The following NIPBL variants were observed in gnomAD, a reference collection of about 807,000 sequenced individuals.
The protein encoded by NIPBL is nipped-B-like protein.
NIPBL carries 19 observed loss-of-function variants against 321.8 expected under a neutral mutation model. The ratio of observed to expected loss-of-function variants is 0.06; its 90% CI spans 0.04 to 0.09. The LOEUF is 0.09. NIPBL is among the 10% of genes least tolerant of loss of function. The pLI is 1.00. For missense variants in NIPBL, 2,210 were observed against 3,327.0 expected (o/e 0.66, Z 8.26); for synonymous variants, 1,106 against 1,114.1 (o/e 0.99, Z 0.14).
intron 6 of NIPBL, among the ~76,000 whole-genome samples, chr5:36,968,370 C>T: frequency 6.6e-6 from 1 of 152,014 alleles, no homozygotes. Flanking sequence ...CAGATTGAGA[C>T]CATCCTCGCT....
chr5:36,886,111 C>A, intron 1 of NIPBL: 1 of 669,924 alleles, frequency 1.5e-6, no homozygotes, highest in South Asian at 1.5e-5. Flanking sequence ...GACATACGGT[C>A]CAGTCCTTGG....
At chr5:36,968,669 T>C (rs1561091509) in intron 6 of NIPBL, among the ~76,000 whole-genome samples, 1 of 152,156 alleles carries the variant, frequency 6.6e-6, no homozygotes, top group Non-Finnish European at 1.5e-5. Context: ...AAGTCTAGCC[T>C]GTGCAATACA....
chr5:36,987,226 T>G (rs1744925595), intron 10 of NIPBL, among the ~76,000 whole-genome samples: 2 of 152,160 alleles, frequency 1.3e-5, no homozygotes, highest in African/African-American at 4.8e-5. Context: ...ACTGAGAGTT[T>G]ATTTAAGTTT....
chr5:36,918,603 A>G (rs1283098856), intron 1 of NIPBL, among the ~76,000 whole-genome samples: 1 of 152,132 alleles, frequency 6.6e-6, no homozygotes, highest in Non-Finnish European at 1.5e-5. Flanking sequence ...GTCTTGTGCC[A>G]GTTTTCAAAA....
chr5:37,002,289 C>T (rs1269588609), intron 14 of NIPBL, among the ~76,000 whole-genome samples: 1 of 152,156 alleles, frequency 6.6e-6, no homozygotes, highest in Non-Finnish European at 1.5e-5. Flanking sequence ...TTTGACCTTA[C>T]ACTCCTCTTT....
At chr5:36,971,718 T>C in intron 7 of NIPBL, 2 of 681,770 alleles carry the variant, frequency 2.9e-6, no homozygotes, top group Non-Finnish European at 3.6e-6. Context: ...ATACTAGTAA[T>C]ACAAATTTTC....
At chr5:36,993,623 T>C (rs1745794534) in intron 10 of NIPBL, among the ~76,000 whole-genome samples, 1 of 152,062 alleles carries the variant, frequency 6.6e-6, no homozygotes, top group African/African-American at 2.4e-5. Context: ...AGTGTGTCTG[T>C]GATGTGAACT....
At chr5:37,013,138 C>T (rs1448098412) in intron 21 of NIPBL, among the ~76,000 whole-genome samples, 1 of 149,478 alleles carries the variant, frequency 6.7e-6, no homozygotes, top group South Asian at 2.1e-4. Context: ...CGCCCCTCAC[C>T]TCCCGGACGG....
chr5:36,890,896 A>G (rs1746277990), intron 1 of NIPBL, among the ~76,000 whole-genome samples: 1 of 152,228 alleles, frequency 6.6e-6, no homozygotes, highest in African/African-American at 2.4e-5. Flanking sequence ...TCTCATATTC[A>G]TTCTCTTGTA....
chr5:36,981,525 C>T lies in NIPBL; in HGVS notation c.1496-3151C>T, dbSNP rs971618781. 4.6e-5 allele frequency among the ~76,000 whole-genome samples: 7 copies of T among 151,704 alleles called. No homozygotes were observed. In the South Asian group the frequency reaches 1.2e-3, roughly 27 times the overall value. The stretch of plus-strand genomic sequence containing the variant: ...TGTAACCTAATATTTTATAATATTC[C>T]AAAAGGACCCTTTTCTCAATCTTTT... On this transcript the variant is annotated intron_variant, in intron 9 of 46. Transcript: ENST00000282516.
intron 1 of NIPBL, among the ~76,000 whole-genome samples, chr5:36,903,653 A>C (rs2149537019): frequency 6.6e-6 from 1 of 152,280 alleles, no homozygotes; most frequent in East Asian, 1.9e-4. Flanking sequence ...AGCTAAAAAT[A>C]GACTTGTAGA....
At chr5:36,911,468 G>A (rs952027554) in intron 1 of NIPBL, among the ~76,000 whole-genome samples, 1 of 151,926 alleles carries the variant, frequency 6.6e-6, no homozygotes, top group African/African-American at 2.4e-5. Context: ...TTTCCTTCTG[G>A]CCTTTCCTAT....
chr5:36,975,822 A>G lies in NIPBL; in HGVS notation c.915A>G (p.Ser305=), dbSNP rs555224277. ...LILQSQSLPC[S]SPRDVPPDIL... is the part of the protein sequence containing the mutation. ...TACAATCTCAGTCTCTACCTTGTTC[A>G]TCACCTCGAGATGTTCCACCAGATA... The change falls in exon 9 of 47, where the codon TCA becomes TCG. Residue 305 remains serine, a synonymous_variant. Coordinates refer to ENST00000282516, the MANE Select transcript of NIPBL (RefSeq NM_133433.4). The G allele has an allele frequency of 2.2e-5, 36 of 1,613,464 alleles. No individual in the cohort carries two copies. Among genetic ancestry groups the G allele is most frequent in the Admixed American group, 6.7e-5 (4 of 59,918 alleles).
In NIPBL at chr5:37,036,480, T is replaced by G; in HGVS notation, c.5964T>G (p.Ser1988=). 7.4e-7 allele frequency: 1 copy of G among 1,359,644 alleles called. No individual in the cohort carries two copies. The highest frequency in any genetic ancestry group is 1.5e-5 in the South Asian group (1 of 67,198). The allele number at this position is 1,359,644 out of a possible 1,614,324, so 84.2% of individuals were successfully genotyped here. A position where few individuals can be genotyped will look rare whatever the true frequency, so the allele number is the denominator to read the frequency against. ...AGCACATTCTTAAATATGAGGAATC[T>G]CTAGCTGGTAAGACATTTTATATAT... ...LVEHILKYEE[S]LADSDNKGVN... Residue 1988 remains serine (S), a synonymous_variant, in exon 33 of 47, where the codon TCT becomes TCG. Coordinates refer to ENST00000282516, the MANE Select transcript of NIPBL (RefSeq NM_133433.4).
chr5:37,059,271 C>A, intron 44 of NIPBL, 106 bp downstream of exon 44: 1 of 1,210,690 alleles, frequency 8.3e-7, no homozygotes, highest in Non-Finnish European at 1.2e-6. Context: ...TTTTGGGAGG[C>A]TGAGGCGGGC....
chr5:36,959,415 C>T (rs1640504540), intron 4 of NIPBL, among the ~76,000 whole-genome samples: 1 of 152,140 alleles, frequency 6.6e-6, no homozygotes, highest in Admixed American at 6.5e-5. Flanking sequence ...AATGGGGATG[C>T]TTCTGACCGA....
intron 1 of NIPBL, among the ~76,000 whole-genome samples, chr5:36,921,551 T>C (rs1748942333): frequency 1.3e-5 from 2 of 152,320 alleles, no homozygotes; most frequent in Admixed American, 6.5e-5. Context: ...ATTTAGGACT[T>C]GGGCATTTGT....
chr5:36,916,225 G>A (rs2149551565), intron 1 of NIPBL, among the ~76,000 whole-genome samples: 1 of 152,284 alleles, frequency 6.6e-6, no homozygotes, highest in South Asian at 2.1e-4. Context: ...GTTCATGTAG[G>A]TGTTTGAGTT....
chr5:36,957,157 A>G (rs1019855805), intron 3 of NIPBL, among the ~76,000 whole-genome samples: 3 of 152,136 alleles, frequency 2.0e-5, no homozygotes, highest in Admixed American at 2.0e-4. Context: ...AACACTGCCT[A>G]TACTTAATTT....
Sources: gnomAD v4.1 joint callset for allele counts (sites outside exome capture counted in the v4.1 genomes callset) on GRCh38, gnomAD v4.1.1 for gene constraint, MANE v1.5 for transcripts, NCBI Gene and HGNC (gene_info 2026-07-23, HGNC 2026-07-21) for gene names.